PTPRO: variants seen among roughly 807,000 people sequenced by gnomAD.
The protein encoded by PTPRO is protein tyrosine phosphatase receptor type O.
In PTPRO, 62 loss-of-function variants were observed where a neutral mutation model predicts 145.2. The ratio of observed to expected loss-of-function variants is 0.43; its 90% CI spans 0.35 to 0.53. The LOEUF (loss-of-function observed/expected upper bound fraction) is 0.53, where lower values mean the gene tolerates loss of function less well. Ranked by LOEUF, PTPRO falls within the 20% of genes least tolerant of loss-of-function variation. The probability of loss-of-function intolerance (pLI) is 0.01; values close to 1 mark genes in which losing one functional copy is unlikely to be tolerated. For missense variants in PTPRO, 1,345 were observed against 1,482.7 expected, an observed-to-expected ratio of 0.91 and a Z score of 1.53; for synonymous variants, 565 against 514.7, an observed-to-expected ratio of 1.10 and a Z score of -1.32.
chr12:15,451,871 T>G (rs12426575), intron 1 of PTPRO, among the ~76,000 whole-genome samples: 12 of 152,206 alleles, frequency 7.9e-5, no homozygotes, highest in African/African-American at 2.9e-4. Context: ...TTCATAGCCT[T>G]GAATGCCTAC....
chr12:15,450,805 C>CTTG (rs1941026064), intron 1 of PTPRO, among the ~76,000 whole-genome samples: 1 of 151,850 alleles, frequency 6.6e-6, no homozygotes, highest in Non-Finnish European at 1.5e-5. Context: ...AAAAAACTAC[C>CTTG]AAGCCAGCAC....
At chr12:15,566,265 T>C (rs1265074280) in intron 18 of PTPRO, among the ~76,000 whole-genome samples, 1 of 152,142 alleles carries the variant, frequency 6.6e-6, no homozygotes, top group East Asian at 1.9e-4. Context: ...TTCCTTTATA[T>C]AGAGTTTGTT....
intron 13 of PTPRO, among the ~76,000 whole-genome samples, chr12:15,548,604 T>A (rs962750224): frequency 1.3e-5 from 2 of 152,088 alleles, no homozygotes; most frequent in Non-Finnish European, 2.9e-5. Flanking sequence ...AAGTTCATTG[T>A]AGCATTGTTT....
At chr12:15,433,481 C>A (rs1940509285) in intron 1 of PTPRO, among the ~76,000 whole-genome samples, 1 of 152,166 alleles carries the variant, frequency 6.6e-6, no homozygotes, top group African/African-American at 2.4e-5. Flanking sequence ...CCATGCCCAG[C>A]CAGTTTTAGG....
intron 12 of PTPRO, among the ~76,000 whole-genome samples, chr12:15,536,968 G>A (rs993868167): frequency 6.6e-6 from 1 of 152,188 alleles, no homozygotes; most frequent in Admixed American, 6.5e-5. Context: ...TATTTTGAAG[G>A]TGTTGCTGAG....
At chr12:15,552,792 A>C (rs987000626) in intron 15 of PTPRO, among the ~76,000 whole-genome samples, 26 of 115,174 alleles carry the variant, frequency 2.3e-4, no homozygotes, top group Non-Finnish European at 4.1e-4. Flanking sequence ...CTTGAGGTCA[A>C]ATCTTTTTTT....
intron 1 of PTPRO, among the ~76,000 whole-genome samples, chr12:15,366,545 C>T (rs1314600100): frequency 6.6e-6 from 1 of 151,968 alleles, no homozygotes; most frequent in East Asian, 1.9e-4. Flanking sequence ...GTAGGAATTT[C>T]AATGAAGATT....
chr12:15,527,606 C>T (rs1239936895), intron 12 of PTPRO, among the ~76,000 whole-genome samples: 1 of 152,172 alleles, frequency 6.6e-6, no homozygotes, highest in Non-Finnish European at 1.5e-5. Context: ...GCATGAGCCC[C>T]CCAGCTAACT....
rs1565563224 is a variant in PTPRO at position 15,322,625 on chromosome 12, G to A, written c.-102G>A. The A allele has an allele frequency of 9.9e-7, 1 of 1,008,390 alleles. No individual in the cohort carries two copies. The highest frequency in any genetic ancestry group is 2.1e-4 in the Middle Eastern group (1 of 4,714). The allele number at this position is 1,008,390 out of a possible 1,614,324, so 62.5% of individuals were successfully genotyped here. A position where few individuals can be genotyped will look rare whatever the true frequency, so the allele number is the denominator to read the frequency against. ...GCATGCGCTCGCCAGGAGCAACCTC[G>A]GCGCCCAGGGTCTGAGGCTGCAGCC... On this transcript the variant is annotated 5_prime_UTR_variant, in exon 1 of 27. Transcript: ENST00000281171. This position sits in a 1 kb window ranked among gnomAD's most constrained non-coding sequence, Gnocchi z 6.3.
At chr12:15,508,810 AG>A in intron 7 of PTPRO, 43 bp downstream of exon 7, 2 of 1,591,726 alleles carry the variant, frequency 1.3e-6, no homozygotes, top group Admixed American at 1.7e-5. Context: ...GTCCTTCCTA[AG>A]CACAACCTTA....
At chr12:15,559,354 T>G (rs1053504679) in intron 16 of PTPRO, among the ~76,000 whole-genome samples, 2 of 152,192 alleles carry the variant, frequency 1.3e-5, no homozygotes, top group Non-Finnish European at 2.9e-5. Flanking sequence ...ATAACTGAAG[T>G]GACAAGGTGA....
intron 23 of PTPRO, 73 bp from the exon 24 acceptor site, chr12:15,586,824 A>G (rs1944438898): frequency 2.8e-5 from 44 of 1,570,958 alleles, no homozygotes; most frequent in Non-Finnish European, 3.5e-5. Context: ...TGCATGCTTA[A>G]CTAGCAGAGT....
At chr12:15,586,501 G>A (rs572747028) in intron 23 of PTPRO, among the ~76,000 whole-genome samples, 1 of 152,210 alleles carries the variant, frequency 6.6e-6, no homozygotes, top group Non-Finnish European at 1.5e-5. Context: ...AGGTACTGCT[G>A]TGCTGTTAGC....
At chr12:15,480,941 G>T (rs1941766743) in intron 1 of PTPRO, among the ~76,000 whole-genome samples, 1 of 152,142 alleles carries the variant, frequency 6.6e-6, no homozygotes, top group Non-Finnish European at 1.5e-5. Context: ...TTGGTAATTT[G>T]TCCAGAGTAT....
chr12:15,347,429 A>C (rs913782327), intron 1 of PTPRO, among the ~76,000 whole-genome samples: 9 of 152,198 alleles, frequency 5.9e-5, no homozygotes, highest in Non-Finnish European at 1.0e-4. Context: ...TTAAAGAAAG[A>C]GACTGTCTTA....
At chr12:15,586,257 G>A (rs1358907549) in intron 23 of PTPRO, among the ~76,000 whole-genome samples, 1 of 152,204 alleles carries the variant, frequency 6.6e-6, no homozygotes, top group Non-Finnish European at 1.5e-5. Flanking sequence ...CAGATTGACA[G>A]AGAAGAAGCC....
chr12:15,562,983 TG>T (rs1943812393), intron 17 of PTPRO, among the ~76,000 whole-genome samples: 1 of 152,152 alleles, frequency 6.6e-6, no homozygotes, highest in South Asian at 2.1e-4. Context: ...CTTACAAAAT[TG>T]GAGACTTTTA....
intron 24 of PTPRO, among the ~76,000 whole-genome samples, chr12:15,588,591 G>A (rs1287486167): frequency 2.0e-5 from 3 of 152,106 alleles, no homozygotes; most frequent in Admixed American, 2.0e-4. Flanking sequence ...CCTGTGAGAT[G>A]GAAGCAGGCC....
intron 4 of PTPRO, among the ~76,000 whole-genome samples, chr12:15,501,026 A>G (rs1478741045): frequency 1.3e-5 from 2 of 152,230 alleles, no homozygotes; most frequent in East Asian, 1.9e-4. Context: ...GTGCGTCTTC[A>G]TAATTTTCTC....
Sources: gnomAD v4.1 joint callset for allele counts (sites outside exome capture counted in the v4.1 genomes callset) on GRCh38, gnomAD v4.1.1 for gene constraint, Gnocchi (gnomAD v3.1) non-coding constraint, MANE v1.5 for transcripts, NCBI Gene and HGNC (gene_info 2026-07-23, HGNC 2026-07-21) for gene names.